RREB1: variants seen among roughly 807,000 people sequenced by gnomAD.
RREB1 encodes ras-responsive element-binding protein 1.
Under a neutral mutation model 117.8 loss-of-function variants are expected in RREB1, and 27 were observed. The ratio of observed to expected loss-of-function variants is 0.23; its 90% CI spans 0.17 to 0.32. The LOEUF (loss-of-function observed/expected upper bound fraction) is 0.32. RREB1 is among the 10% of genes least tolerant of loss of function. The probability of loss-of-function intolerance (pLI) is 1.00; values close to 1 mark genes in which losing one functional copy is unlikely to be tolerated. For synonymous variants in RREB1, 1,298 were observed against 1,026.7 expected, an observed-to-expected ratio of 1.26 and a Z score of -5.05; for missense variants, 2,577 against 2,378.2, an observed-to-expected ratio of 1.08 and a Z score of -1.74.
chr6:7,243,340 C>T (rs887163798), intron 11 of RREB1, among the ~76,000 whole-genome samples: 8 of 152,190 alleles, frequency 5.3e-5, no homozygotes, highest in African/African-American at 1.7e-4. Context: ...GGAGGAGCTG[C>T]GGGTTTATTA....
At chr6:7,138,439 A>G (rs1221855103) in intron 1 of RREB1, among the ~76,000 whole-genome samples, 2 of 152,232 alleles carry the variant, frequency 1.3e-5, no homozygotes, top group Admixed American at 6.5e-5. Flanking sequence ...TATCCAGTTG[A>G]GCTTTTTAAA....
chr6:7,180,361 T>C (rs1352353534), intron 2 of RREB1, among the ~76,000 whole-genome samples: 1 of 152,250 alleles, frequency 6.6e-6, no homozygotes, highest in Non-Finnish European at 1.5e-5. Flanking sequence ...TGAGAAATCA[T>C]ATTCTTCCTT....
intron 11 of RREB1, among the ~76,000 whole-genome samples, chr6:7,242,647 C>CG (rs1561806209): frequency 2.6e-5 from 4 of 151,494 alleles, no homozygotes; most frequent in Non-Finnish European, 5.9e-5. Flanking sequence ...TGGGTTCCCC[C>CG]CCCCCAGTGA....
chr6:7,117,610 T>A (rs1761472160), intron 1 of RREB1, among the ~76,000 whole-genome samples: 1 of 151,958 alleles, frequency 6.6e-6, no homozygotes, highest in South Asian at 2.1e-4. Flanking sequence ...GGTTTCACCA[T>A]GTTGGCCAGG....
chr6:7,236,231 C>T (rs1371674506), intron 10 of RREB1, among the ~76,000 whole-genome samples: 1 of 152,204 alleles, frequency 6.6e-6, no homozygotes, highest in Non-Finnish European at 1.5e-5. Context: ...TTTCTTCCCC[C>T]TTCCCTTTGC....
At chr6:7,126,201 T>A (rs140409958) in intron 1 of RREB1, among the ~76,000 whole-genome samples, 1 of 152,002 alleles carries the variant, frequency 6.6e-6, no homozygotes, top group Non-Finnish European at 1.5e-5. Context: ...TGGGTTTCAC[T>A]ATGTTGGTCA....
Position 7,218,488 on chromosome 6 carries a change from A to T in RREB1, c.707+6779A>T, listed in dbSNP as rs560381330. 2.2e-5 allele frequency: 3 copies of T among 139,362 alleles called. No homozygotes were observed. In the East Asian group the frequency reaches 6.0e-4, roughly 28 times the overall value. 8.6% of individuals were successfully genotyped at this position (139,362 alleles called of 1,614,324 possible). ...TGTTTAGCCACAAGGTTAAGAAGTT[A>T]AAAAAAAAAAAGAGACTTTTGGTGT... On this transcript the variant is annotated intron_variant, in intron 8 of 12. Transcript: ENST00000379938.
intron 1 of RREB1, among the ~76,000 whole-genome samples, chr6:7,157,442 A>G (rs1004648757): frequency 3.3e-5 from 5 of 151,866 alleles, no homozygotes; most frequent in Non-Finnish European, 7.4e-5. Context: ...TCAAAAAAAA[A>G]AAAAATTGAG....
At chr6:7,164,109 CCT>C (rs1433348308) in intron 1 of RREB1, among the ~76,000 whole-genome samples, 2 of 152,122 alleles carry the variant, frequency 1.3e-5, no homozygotes, top group Non-Finnish European at 1.5e-5. Flanking sequence ...CCACACATGC[CCT>C]GTCTGACTCA....
chr6:7,211,518 G>A (rs1334577), intron 7 of RREB1, 55 bp from the exon 8 acceptor site: 399,162 of 1,559,990 alleles, frequency 0.26, 57,006 homozygotes, highest in South Asian at 0.5. Flanking sequence ...CCTCTCTTCC[G>A]AAGCCATCCC....
intron 5 of RREB1, among the ~76,000 whole-genome samples, chr6:7,188,246 TGTGTGTGC>T (rs923469908): frequency 2.3e-4 from 33 of 143,664 alleles, no homozygotes; most frequent in East Asian, 6.7e-4. Flanking sequence ...TGTGTGTGTG[TGTGTGTGC>T]GCGCGCGCAC....
chr6:7,249,294 C>T lies in RREB1; in HGVS notation c.*326C>T. The T allele has an allele frequency of 3.3e-6, 1 of 300,120 alleles. No homozygotes were observed. Among genetic ancestry groups the T allele is most frequent in the Non-Finnish European group, 6.2e-6 (1 of 161,840 alleles). 18.6% of individuals were successfully genotyped at this position (300,120 alleles called of 1,614,324 possible). A position where few individuals can be genotyped will look rare whatever the true frequency, so the allele number is the denominator to read the frequency against. The stretch of plus-strand genomic sequence containing the variant: ...ATAATGAATTGTCTGGAGAGGACCT[C>T]TTCATTTGAGCATTAGCGTTATTTT... On this transcript the variant is annotated 3_prime_UTR_variant, in exon 13 of 13. Transcript: ENST00000379938.
At position 7,189,234 on chromosome 6, in the gene RREB1, G is replaced by C; in HGVS notation, c.337G>C (p.Asp113His). 1 of 1,612,694 alleles carries C rather than the reference G, an allele frequency of 6.2e-7. No individual in the cohort carries two copies. The highest frequency in any genetic ancestry group is 8.5e-7 in the Non-Finnish European group (1 of 1,179,418). Residue 113 changes from aspartate to histidine, a missense_variant, in exon 6 of 13, where the codon GAT (aspartate) becomes CAT (histidine). Coordinates refer to ENST00000379938, the MANE Select transcript of RREB1 (RefSeq NM_001003699.4). ...GKSLSSASSL[D>H]RHMLVHSGER... ...GTCACTGAGCTCGGCCAGCTCCCTC[G>C]ATCGCCACATGCTGGTGCACTCTGG... is the stretch of plus-strand genomic sequence containing the variant.
In RREB1 at chr6:7,229,488, G is replaced by A. The variant is rs756737413; in HGVS notation, c.1389G>A (p.Ser463=). 4.2e-5 allele frequency: 68 copies of A among 1,613,982 alleles called. No individual in the cohort carries two copies. The East Asian group carries it at 1.3e-3, about 31-fold the overall frequency. The change falls in exon 10 of 13, where the codon TCG becomes TCA. Residue 463 remains serine (S), a synonymous_variant. Coordinates refer to ENST00000379938, the MANE Select transcript of RREB1 (RefSeq NM_001003699.4). The surrounding 1 kb of genome is among the most constrained non-coding windows in gnomAD (Gnocchi z 4.5). ...TGGTCAAGCCCATCTCTGGCGAGTCGGCCATCGAGCTGGCAGACATCCAGC... is the reference window on the plus strand; with the variant it reads ...TGGTCAAGCCCATCTCTGGCGAGTCAGCCATCGAGCTGGCAGACATCCAGC... ...SIVVKPISGE[S]AIELADIQQI...
rs116049179 is a variant in RREB1, at chr6:7,141,640, A to G, written c.-285+33580A>G. 8.0e-3 allele frequency among the ~76,000 whole-genome samples: 1,215 copies of G among 152,356 alleles called. 22 individuals carry two copies. Among genetic ancestry groups the G allele is most frequent in the African/African-American group, 0.028 (1,173 of 41,590 alleles). ...CCGATGGCTATTTCAGAATAAAAAC[A>G]TGTAGCAGGGTATTTCATGATGGGT... On this transcript the variant is annotated intron_variant, in intron 1 of 12. Coordinates refer to ENST00000379938, the MANE Select transcript of RREB1 (RefSeq NM_001003699.4).
At chr6:7,108,964 C>T (rs1052286603) in intron 1 of RREB1, among the ~76,000 whole-genome samples, 3 of 139,630 alleles carry the variant, frequency 2.1e-5, no homozygotes, top group Non-Finnish European at 3.1e-5. Context: ...CTCGCCCTTC[C>T]GTTGGCGGGG....
At chr6:7,131,100 G>A (rs1464456201) in intron 1 of RREB1, among the ~76,000 whole-genome samples, 2 of 151,498 alleles carry the variant, frequency 1.3e-5, no homozygotes, top group Admixed American at 6.6e-5. Flanking sequence ...CACTGCGCCC[G>A]GCTAATTTTT....
intron 10 of RREB1, among the ~76,000 whole-genome samples, chr6:7,236,240 G>A (rs1381388048): frequency 1.3e-5 from 2 of 152,092 alleles, no homozygotes; most frequent in Non-Finnish European, 2.9e-5. Flanking sequence ...CCTTCCCTTT[G>A]CTCCAGTTCC....
intron 1 of RREB1, among the ~76,000 whole-genome samples, chr6:7,126,859 G>T (rs1262832069): frequency 6.6e-6 from 1 of 152,152 alleles, no homozygotes; most frequent in East Asian, 1.9e-4. Context: ...GGTAAAACAT[G>T]GTCCCTGCCC....
Sources: allele counts gnomAD v4.1 joint callset (sites outside exome capture counted in the v4.1 genomes callset), GRCh38; gene constraint gnomAD v4.1.1; non-coding constraint Gnocchi (gnomAD v3.1); transcripts MANE v1.5; gene names NCBI Gene and HGNC (gene_info 2026-07-23, HGNC 2026-07-21).